The following JAKMIP1 variants were observed in gnomAD, a reference collection of about 807,000 sequenced individuals.
JAKMIP1 encodes janus kinase and microtubule interacting protein 1, also known as janus kinase and microtubule-interacting protein 1.
A neutral mutation model predicts 113.0 loss-of-function variants in JAKMIP1; 33 were observed. The observed-to-expected ratio is 0.29, with a 90% CI of 0.22 to 0.39. The LOEUF is 0.39. Among genes scored for constraint, JAKMIP1 ranks in the 10% least tolerant of loss-of-function variants. The pLI is 1.00. For missense variants in JAKMIP1, 813 were observed against 1,080.5 expected, an observed-to-expected ratio of 0.75 and a Z score of 3.47; for synonymous variants, 480 against 459.9, an observed-to-expected ratio of 1.04 and a Z score of -0.56.
chr4:6,068,273 A>G (rs1231289899), intron 8 of JAKMIP1, among the ~76,000 whole-genome samples: 1 of 152,206 alleles, frequency 6.6e-6, no homozygotes, highest in South Asian at 2.1e-4. Flanking sequence ...AAGTAGAGCA[A>G]CCTTAGCAAA....
At position 6,143,031 on chromosome 4, in the gene JAKMIP1, T is replaced by C. The variant is rs1168714416; in HGVS notation, c.-147-30034A>G. On this transcript the variant is annotated intron_variant, in intron 1 of 20. Transcript: ENST00000409021. The surrounding 1 kb of genome is among the most constrained non-coding windows in gnomAD (Gnocchi z 4.9). The stretch of plus-strand genomic sequence containing the variant: ...GCCTTCTGGGGGCAGCCTGGTGGAC[T>C]CTGGAAGGCTGAAGTTCAACACAGA... Among the ~76,000 whole-genome samples the C allele has an allele frequency of 6.6e-6, 1 of 152,114 alleles. No individual in the cohort carries two copies. Among genetic ancestry groups the C allele is most frequent in the Non-Finnish European group, 1.5e-5 (1 of 68,024 alleles).
At chr4:6,034,065 C>A (rs1270882105) in intron 19 of JAKMIP1, among the ~76,000 whole-genome samples, 1 of 151,940 alleles carries the variant, frequency 6.6e-6, no homozygotes, top group Non-Finnish European at 1.5e-5. Flanking sequence ...ATCAGGTAGC[C>A]AAACACCTGT....
At chr4:6,159,339 A>C (rs914470400) in intron 1 of JAKMIP1, among the ~76,000 whole-genome samples, 1 of 152,142 alleles carries the variant, frequency 6.6e-6, no homozygotes, top group African/African-American at 2.4e-5. Flanking sequence ...AGGTGTAAGC[A>C]TCTACAAAAG....
In JAKMIP1 at chr4:6,061,122, C is replaced by T. The variant is rs1012626574; in HGVS notation, c.1561-615G>A. On this transcript the variant is annotated intron_variant, in intron 10 of 20. Coordinates refer to ENST00000409021, the MANE Select transcript of JAKMIP1 (RefSeq NM_001099433.2). This position sits in a 1 kb window ranked among gnomAD's most constrained non-coding sequence, Gnocchi z 5.3. ...CCAGCAGCAGCCACAAGAAATGGGA[C>T]GCCTGTTGCTGCCAGATGTTCTGAC... Among the ~76,000 whole-genome samples, 11 of 152,342 alleles carry T rather than the reference C, an allele frequency of 7.2e-5. No homozygotes were observed. Among genetic ancestry groups the T allele is most frequent in the Admixed American group, 2.6e-4 (4 of 15,302 alleles).
In JAKMIP1 at chr4:6,081,974, C is replaced by A. The variant is rs1414463211; in HGVS notation, c.955-219G>T. Among the ~76,000 whole-genome samples the A allele has an allele frequency of 6.6e-6, 1 of 152,158 alleles. No individual in the cohort carries two copies. The stretch of plus-strand genomic sequence containing the variant: ...ATCACGGCAGCTCCTGTCTCCTAGG[C>A]ACATGGTGAGAATTGAATGCATAGT... On this transcript the variant is annotated intron_variant, in intron 5 of 20. Transcript: ENST00000409021. The surrounding 1 kb of genome is among the most constrained non-coding windows in gnomAD (Gnocchi z 4.6).
At chr4:6,053,102 G>A (rs1190566147) in intron 13 of JAKMIP1, among the ~76,000 whole-genome samples, 1 of 152,210 alleles carries the variant, frequency 6.6e-6, no homozygotes, top group Non-Finnish European at 1.5e-5. Flanking sequence ...GCCACTACAG[G>A]TGCTTAGAGA....
rs1720262564 is a variant in JAKMIP1, at chr4:6,142,217, G to A, written c.-147-29220C>T. Among the ~76,000 whole-genome samples the A allele has an allele frequency of 6.6e-6, 1 of 152,170 alleles. No homozygotes were observed. Among genetic ancestry groups the A allele is most frequent in the African/African-American group, 2.4e-5 (1 of 41,426 alleles). On this transcript the variant is annotated intron_variant, in intron 1 of 20. Coordinates refer to ENST00000409021, the MANE Select transcript of JAKMIP1 (RefSeq NM_001099433.2). The surrounding 1 kb of genome is among the most constrained non-coding windows in gnomAD (Gnocchi z 5.5). Reference sequence around the variant, plus strand: ...TAGGGACACTTTGGTTATTTCTGAGGATTTTGTACAGATTTAGAATTTTTT... The same window carrying A: ...TAGGGACACTTTGGTTATTTCTGAGAATTTTGTACAGATTTAGAATTTTTT...
chr4:6,031,730 T>A lies in JAKMIP1; in HGVS notation c.2380-1949A>T, dbSNP rs140797357. On this transcript the variant is annotated intron_variant, in intron 19 of 20. Transcript: ENST00000409021. This position sits in a 1 kb window ranked among gnomAD's most constrained non-coding sequence, Gnocchi z 4.4. ...ATGATCACGGGGCAGCCAAACAGAA[T>A]GGATTCCACGAAGGAGACAGAAAAA... 2.0e-5 allele frequency among the ~76,000 whole-genome samples: 3 copies of A among 152,200 alleles called. No homozygotes were observed. In the East Asian group the frequency reaches 5.8e-4, roughly 29 times the overall value.
In JAKMIP1 at chr4:6,031,438, G is replaced by A. The variant is rs895492190; in HGVS notation, c.2380-1657C>T. Reference sequence around the variant, plus strand: ...TCTCAATAAATAAATAAAGAGGCATGAGGAGGGGTGAGGTATCGTGCCGTG... The same window carrying A: ...TCTCAATAAATAAATAAAGAGGCATAAGGAGGGGTGAGGTATCGTGCCGTG... On this transcript the variant is annotated intron_variant, in intron 19 of 20. Transcript: ENST00000409021. This position sits in a 1 kb window ranked among gnomAD's most constrained non-coding sequence, Gnocchi z 4.4. Among the ~76,000 whole-genome samples the A allele has an allele frequency of 1.3e-5, 2 of 152,162 alleles. No homozygotes were observed. The highest frequency in any genetic ancestry group is 4.8e-5 in the African/African-American group (2 of 41,436).
At chr4:6,071,386 C>G (rs943326477) in intron 8 of JAKMIP1, among the ~76,000 whole-genome samples, 1 of 152,154 alleles carries the variant, frequency 6.6e-6, no homozygotes, top group East Asian at 1.9e-4. Context: ...CAATCTGGAA[C>G]CTTTGCCTCA....
rs1447028684 is a variant in JAKMIP1 at position 6,160,948 on chromosome 4, C to CCCCTGACCTCCACTCACCT, written c.-148+39286_-148+39304dup. 4.1e-3 allele frequency among the ~76,000 whole-genome samples: 585 copies of CCCCTGACCTCCACTCACCT among 142,912 alleles called. 18 individuals are homozygous for CCCCTGACCTCCACTCACCT. Among genetic ancestry groups the CCCCTGACCTCCACTCACCT allele is most frequent in the African/African-American group, 0.015 (524 of 36,104 alleles). 93.8% of individuals were successfully genotyped at this position (142,912 alleles called of 152,430 possible). On this transcript the variant is annotated intron_variant, in intron 1 of 20. Coordinates refer to ENST00000409021, the MANE Select transcript of JAKMIP1 (RefSeq NM_001099433.2). ...TCACCTCCCCGATCTCCACTTATCT[C>CCCCTGACCTCCACTCACCT]CCCTGACCTCCACTCACCTCCCTGA...
chr4:6,068,860 A>T (rs1351180510), intron 8 of JAKMIP1, among the ~76,000 whole-genome samples: 1 of 152,190 alleles, frequency 6.6e-6, no homozygotes, highest in Non-Finnish European at 1.5e-5. Context: ...GTGAGCCATC[A>T]TGCCCAGCCT....
intron 1 of JAKMIP1, among the ~76,000 whole-genome samples, chr4:6,123,720 C>A (rs1004986341): frequency 2.6e-5 from 4 of 152,110 alleles, no homozygotes; most frequent in Admixed American, 2.0e-4. Flanking sequence ...ACCCAGGAGA[C>A]TGAGGTGGGA....
chr4:6,198,576 G>T (rs1385265022), intron 1 of JAKMIP1, among the ~76,000 whole-genome samples: 1 of 152,200 alleles, frequency 6.6e-6, no homozygotes, highest in Non-Finnish European at 1.5e-5. Context: ...AAAGACTACA[G>T]ATAAGAATTA....
At chr4:6,037,023 C>G (rs1186872527) in intron 18 of JAKMIP1, among the ~76,000 whole-genome samples, 1 of 149,156 alleles carries the variant, frequency 6.7e-6, no homozygotes, top group Non-Finnish European at 1.5e-5. Context: ...CAGTAGCCCT[C>G]CATCACTGAG....
chr4:6,194,276 G>A lies in JAKMIP1; in HGVS notation c.-148+5977C>T, dbSNP rs763300754. Among the ~76,000 whole-genome samples the A allele has an allele frequency of 3.3e-5, 5 of 152,036 alleles. No individual in the cohort carries two copies. The highest frequency in any genetic ancestry group is 5.9e-5 in the Non-Finnish European group (4 of 68,020). ...GCCACCGAATTGTACCATTGAAAAC[G>A]GTTTACAGTAAATGAATTTCACCTC... On this transcript the variant is annotated intron_variant, in intron 1 of 20. Coordinates refer to ENST00000409021, the MANE Select transcript of JAKMIP1 (RefSeq NM_001099433.2). The surrounding 1 kb of genome is among the most constrained non-coding windows in gnomAD (Gnocchi z 7.4).
chr4:6,200,344 C>G lies in JAKMIP1; in HGVS notation c.-239G>C, dbSNP rs934056518. On this transcript the variant is annotated 5_prime_UTR_variant, in exon 1 of 21. Coordinates refer to ENST00000409021, the MANE Select transcript of JAKMIP1 (RefSeq NM_001099433.2). The surrounding 1 kb of genome is among the most constrained non-coding windows in gnomAD (Gnocchi z 7.0). ...TCCTCCGGCCGCCCCCTCCCCGCTGCGAGCTTACGCCGCTGTCGCCGCCGC... is the reference window on the plus strand; with the variant it reads ...TCCTCCGGCCGCCCCCTCCCCGCTGGGAGCTTACGCCGCTGTCGCCGCCGC... 1 of 153,468 alleles carries G rather than the reference C, an allele frequency of 6.5e-6. No individual in the cohort carries two copies. Among genetic ancestry groups the G allele is most frequent in the Non-Finnish European group, 1.5e-5 (1 of 68,608 alleles). 9.5% of individuals were successfully genotyped at this position (153,468 alleles called of 1,614,324 possible).
At chr4:6,169,602 ATTGTGTG>A (rs1449684461) in intron 1 of JAKMIP1, among the ~76,000 whole-genome samples, 76 of 70,674 alleles carry the variant, frequency 1.1e-3, no homozygotes, top group African/African-American at 2.3e-3. Flanking sequence ...GCCCTAGGAA[ATTGTGTG>A]TGTGTGTGTG....
intron 11 of JAKMIP1, 124 bp downstream of exon 11, chr4:6,060,300 G>C (rs1717079781): frequency 5.4e-6 from 4 of 743,738 alleles, no homozygotes; most frequent in Non-Finnish European, 9.7e-6. Flanking sequence ...TTTTCCTCTA[G>C]CGTCTCTGGA....
Sources: gnomAD v4.1 joint callset for allele counts (sites outside exome capture counted in the v4.1 genomes callset) on GRCh38, gnomAD v4.1.1 for gene constraint, Gnocchi (gnomAD v3.1) non-coding constraint, MANE v1.5 for transcripts, NCBI Gene and HGNC (gene_info 2026-07-23, HGNC 2026-07-21) for gene names.